The following IL31RA variants were observed in gnomAD, a reference collection of about 807,000 sequenced individuals.
IL31RA encodes interleukin 31 receptor A.
In IL31RA, 66 loss-of-function variants were observed where a neutral mutation model predicts 83.7. The ratio of observed to expected loss-of-function variants is 0.79; its 90% CI spans 0.65 to 0.97. The LOEUF (loss-of-function observed/expected upper bound fraction) is 0.97, where lower values mean the gene tolerates loss of function less well. Ranked by LOEUF, IL31RA falls within the 50% of genes least tolerant of loss-of-function variation. The pLI is 0.00. For synonymous variants in IL31RA, 325 were observed against 329.0 expected (o/e 0.99, Z 0.13); for missense variants, 798 against 919.4 (o/e 0.87, Z 1.71).
Position 55,859,609 on chromosome 5 carries a change from C to T in IL31RA, c.154+10C>T. ...AAATTCAGCCTGGCAGGTAGGTTGA[C>T]CTGGGCCCTTTTACAGATCATGTGA... is the stretch of plus-strand genomic sequence containing the variant. On this transcript the variant is annotated intron_variant, in intron 2 of 14. Transcript: ENST00000652347. 1 of 1,572,802 alleles carries T rather than the reference C, an allele frequency of 6.4e-7. No individual in the cohort carries two copies. Among genetic ancestry groups the T allele is most frequent in the Non-Finnish European group, 8.8e-7 (1 of 1,142,240 alleles).
In IL31RA at chr5:55,896,357, T is replaced by G; in HGVS notation, c.780T>G (p.Cys260Trp). The G allele has an allele frequency of 6.2e-7, 1 of 1,611,540 alleles. No homozygotes were observed. The highest frequency in any genetic ancestry group is 8.5e-7 in the Non-Finnish European group (1 of 1,177,692). ...KMGMTEEEAP[C>W]GLELWRVLKP... ...CATTCTTGTTCCTTACAGCTCCATG[T>G]GGCCTGGAACTGTGGAGAGTCCTGA... is the stretch of plus-strand genomic sequence containing the variant. The change falls in exon 7 of 15, where the codon TGT becomes TGG. Residue 260 changes from cysteine (C) to tryptophan (W), a missense_variant. Cys to Trp is a radical substitution (Grantham distance 215). Coordinates refer to ENST00000652347, the MANE Select transcript of IL31RA (RefSeq NM_139017.7).
intron 8 of IL31RA, among the ~76,000 whole-genome samples, 191 bp from the exon 9 acceptor site, chr5:55,905,915 C>G (rs1561118106): frequency 6.6e-6 from 1 of 151,746 alleles, no homozygotes; most frequent in Non-Finnish European, 1.5e-5. Context: ...AAGCCACTTA[C>G]TCCTCAAGGT....
At chr5:55,899,336 A>G (rs1412437602) in intron 7 of IL31RA, among the ~76,000 whole-genome samples, 2 of 152,308 alleles carry the variant, frequency 1.3e-5, no homozygotes, top group East Asian at 3.9e-4. Context: ...TGAAAATAAG[A>G]GTTTAGCTTA....
At chr5:55,882,539 A>T (rs1364475372) in intron 4 of IL31RA, among the ~76,000 whole-genome samples, 1 of 150,920 alleles carries the variant, frequency 6.6e-6, no homozygotes, top group Non-Finnish European at 1.5e-5. Flanking sequence ...TTCTACACTT[A>T]AAAAATGTTG....
chr5:55,912,781 G>C (rs1027931007), intron 12 of IL31RA, among the ~76,000 whole-genome samples: 17 of 152,084 alleles, frequency 1.1e-4, no homozygotes, highest in African/African-American at 4.1e-4. Context: ...GGGCAACAGA[G>C]CGAGACTCCA....
chr5:55,868,949 G>A, intron 3 of IL31RA, 41 bp downstream of exon 3: 2 of 1,049,536 alleles, frequency 1.9e-6, no homozygotes, highest in South Asian at 2.5e-5. Flanking sequence ...AGGGCATGGG[G>A]GAGGCAGAGG....
intron 8 of IL31RA, among the ~76,000 whole-genome samples, chr5:55,901,026 C>T (rs1236149481): frequency 6.6e-6 from 1 of 152,214 alleles, no homozygotes; most frequent in East Asian, 1.9e-4. Context: ...TATTTGCTTA[C>T]ACCTAGACTG....
At position 55,919,663 on chromosome 5, in the gene IL31RA, T is replaced by C. The variant is rs1749990526; in HGVS notation, c.*2543T>C. Among the ~76,000 whole-genome samples, 1 of 152,182 alleles carries C rather than the reference T, an allele frequency of 6.6e-6. No homozygotes were observed. Among genetic ancestry groups the C allele is most frequent in the African/African-American group, 2.4e-5 (1 of 41,438 alleles). On this transcript the variant is annotated 3_prime_UTR_variant, in exon 15 of 15. Coordinates refer to ENST00000652347, the MANE Select transcript of IL31RA (RefSeq NM_139017.7). Reference sequence around the variant, plus strand: ...ATCATTTTCCATGGTTTTATTACCTTTGAGGGGTGGGAAGATGGTGGCTCT... The same window carrying C: ...ATCATTTTCCATGGTTTTATTACCTCTGAGGGGTGGGAAGATGGTGGCTCT...
chr5:55,922,526 C>T lies in IL31RA; in HGVS notation c.*5406C>T, dbSNP rs1487783533. On this transcript the variant is annotated 3_prime_UTR_variant, in exon 15 of 15. Transcript: ENST00000652347. ...CAACTAGGAAGACTGAATCTGTGGC[C>T]CCAAGAGAACCATCTCTGAAGACTG... 7 of 1,058,834 alleles carry T rather than the reference C, an allele frequency of 6.6e-6. No individual in the cohort carries two copies. The allele number at this position is 1,058,834 out of a possible 1,614,324, so 65.6% of individuals were successfully genotyped here.
At chr5:55,860,614 AG>A (rs1444653265) in intron 2 of IL31RA, among the ~76,000 whole-genome samples, 1 of 152,246 alleles carries the variant, frequency 6.6e-6, no homozygotes, top group Non-Finnish European at 1.5e-5. Flanking sequence ...TTTGCCATAA[AG>A]GGAAATAATG....
chr5:55,840,065 C>T, the IL31RA span: 1 of 376,642 alleles, frequency 2.7e-6, no homozygotes, highest in African/African-American at 2.1e-5. Context: ...GACCAGACAC[C>T]TGACTTCGGC....
At chr5:55,915,803 T>G (rs1749751778) in intron 14 of IL31RA, among the ~76,000 whole-genome samples, 1 of 152,218 alleles carries the variant, frequency 6.6e-6, no homozygotes, top group Admixed American at 6.5e-5. Context: ...CTCTGATAAC[T>G]AACATGCTTT....
At position 55,917,402 on chromosome 5, in the gene IL31RA, T is replaced by C; in HGVS notation, c.*282T>C. 1 of 1,152,976 alleles carries C rather than the reference T, an allele frequency of 8.7e-7. No individual in the cohort carries two copies. The highest frequency in any genetic ancestry group is 1.7e-5 in the South Asian group (1 of 57,824). The allele number at this position is 1,152,976 out of a possible 1,614,324, so 71.4% of individuals were successfully genotyped here. ...CCGAGGCCTCCTGACAGATTGACTT[T>C]GAAGGAAGGGCCCAGGTTCTGAGCC... On this transcript the variant is annotated 3_prime_UTR_variant, in exon 15 of 15. Coordinates refer to ENST00000652347, the MANE Select transcript of IL31RA (RefSeq NM_139017.7).
intron 14 of IL31RA, 25 bp downstream of exon 14, chr5:55,914,953 G>A: frequency 6.5e-7 from 1 of 1,538,992 alleles, no homozygotes; most frequent in Non-Finnish European, 9.0e-7. Flanking sequence ...TTTTATTAAG[G>A]AAATCATTGC....
chr5:55,875,943 A>AT (rs536967107), intron 4 of IL31RA, among the ~76,000 whole-genome samples: 2 of 152,150 alleles, frequency 1.3e-5, no homozygotes, highest in South Asian at 2.1e-4. Context: ...AAGTACTAAG[A>AT]TTTTTTTTAA....
chr5:55,887,746 G>A (rs1232132448), intron 5 of IL31RA, among the ~76,000 whole-genome samples: 8 of 152,058 alleles, frequency 5.3e-5, no homozygotes, highest in Non-Finnish European at 7.4e-5. Context: ...TTAGCCGGGC[G>A]TGTTGGCAGG....
At chr5:55,902,088 G>A (rs1043777573) in intron 8 of IL31RA, among the ~76,000 whole-genome samples, 7 of 152,112 alleles carry the variant, frequency 4.6e-5, no homozygotes, top group African/African-American at 1.4e-4. Flanking sequence ...CCTAGATCAG[G>A]TATTGGCACA....
chr5:55,885,146 C>G (rs1747503075), intron 5 of IL31RA, among the ~76,000 whole-genome samples: 1 of 152,138 alleles, frequency 6.6e-6, no homozygotes, highest in African/African-American at 2.4e-5. Context: ...CATCATTCAG[C>G]CTACTTTTTT....
intron 2 of IL31RA, among the ~76,000 whole-genome samples, chr5:55,865,542 TAAACA>T (rs1746002041): frequency 6.6e-6 from 1 of 152,114 alleles, no homozygotes; most frequent in African/African-American, 2.4e-5. Context: ...ATCCCAAACC[TAAACA>T]AAACAAAACA....
Sources: gnomAD v4.1 joint callset for allele counts (sites outside exome capture counted in the v4.1 genomes callset) on GRCh38, gnomAD v4.1.1 for gene constraint, MANE v1.5 for transcripts, NCBI Gene and HGNC (gene_info 2026-07-23, HGNC 2026-07-21) for gene names.